Variants in CYP39A1 observed in about 807,000 individuals in gnomAD.
CYP39A1 encodes cytochrome P450 family 39 subfamily A member 1, also known as 24-hydroxycholesterol 7-alpha-hydroxylase.
Under a neutral mutation model 58.1 loss-of-function variants are expected in CYP39A1, and 49 were observed. The observed-to-expected ratio is 0.84, with a 90% CI of 0.67 to 1.07. The LOEUF (loss-of-function observed/expected upper bound fraction) is 1.07. Among genes scored for constraint, CYP39A1 ranks in the 50% least tolerant of loss-of-function variants. The pLI is 0.00. For synonymous variants in CYP39A1, 209 were observed against 187.6 expected (o/e 1.11, Z -0.93); for missense variants, 531 against 539.4 (o/e 0.98, Z 0.16).
chr6:46,652,291 G>A, intron 1 of CYP39A1, 115 bp downstream of exon 1: 1 of 1,004,646 alleles, frequency 1.0e-6, no homozygotes, highest in Non-Finnish European at 1.4e-6. Flanking sequence ...TCCTTTAGTT[G>A]AGGCAAGCAG....
chr6:46,615,723 C>CTCCTCTGGAATAAAAAAAAAAAAGGACA (rs1425895917), intron 7 of CYP39A1, among the ~76,000 whole-genome samples: 1 of 150,130 alleles, frequency 6.7e-6, no homozygotes, highest in African/African-American at 2.5e-5. Flanking sequence ...TGCTCACATT[C>CTCCTCTGGAATAAAAAAAAAAAAGGACA]TCCTCTGGAA....
At chr6:46,574,272 C>T (rs1037021458) in intron 10 of CYP39A1, among the ~76,000 whole-genome samples, 3 of 152,156 alleles carry the variant, frequency 2.0e-5, no homozygotes, top group African/African-American at 7.2e-5. Context: ...TCAATAGAAA[C>T]CCTAGTAGTT....
In CYP39A1 at chr6:46,574,353, C is replaced by T. The variant is rs187751531; in HGVS notation, c.1250+12724G>A. On this transcript the variant is annotated intron_variant, in intron 10 of 11. Coordinates refer to ENST00000275016, the MANE Select transcript of CYP39A1 (RefSeq NM_016593.5). ...TCGTAAAGGAGAGAGGGGGCAGGGACATCATGTGCTGATTGTCTTAGGGAA... is the reference window on the plus strand; with the variant it reads ...TCGTAAAGGAGAGAGGGGGCAGGGATATCATGTGCTGATTGTCTTAGGGAA... 9.9e-5 allele frequency among the ~76,000 whole-genome samples: 15 copies of T among 152,264 alleles called. 1 individual carries two copies. In the East Asian group the frequency reaches 2.5e-3, roughly 25 times the overall value.
chr6:46,584,096 T>G (rs1772317609), intron 10 of CYP39A1, among the ~76,000 whole-genome samples: 1 of 152,162 alleles, frequency 6.6e-6, no homozygotes, highest in African/African-American at 2.4e-5. Flanking sequence ...ATTGTCCAAA[T>G]GAAGTCATTT....
chr6:46,646,198 A>C (rs1049769132), intron 1 of CYP39A1, among the ~76,000 whole-genome samples: 1 of 152,042 alleles, frequency 6.6e-6, no homozygotes, highest in Admixed American at 6.6e-5. Context: ...TTTGTTCCCA[A>C]TCACATGGGG....
chr6:46,608,277 A>G (rs80081925), intron 7 of CYP39A1, among the ~76,000 whole-genome samples: 5 of 152,322 alleles, frequency 3.3e-5, no homozygotes, highest in Non-Finnish European at 7.3e-5. Context: ...TGAGAAAATA[A>G]GGGCAGAAAA....
At chr6:46,589,978 C>T (rs1004088867) in intron 8 of CYP39A1, among the ~76,000 whole-genome samples, 9 of 152,104 alleles carry the variant, frequency 5.9e-5, no homozygotes, top group African/African-American at 2.2e-4. Flanking sequence ...AGAATTACCA[C>T]TAGCAACAGG....
In CYP39A1 at chr6:46,549,807, C is replaced by G. The variant is rs1411524524; in HGVS notation, c.*559G>C. On this transcript the variant is annotated 3_prime_UTR_variant, in exon 12 of 12. Transcript: ENST00000275016. Reference sequence around the variant, plus strand: ...ATGTAAGACACCATTCCTGTCCTCACAGGTCTCAGAAAACTACCATTTTAT... The same window carrying G: ...ATGTAAGACACCATTCCTGTCCTCAGAGGTCTCAGAAAACTACCATTTTAT... 2 of 152,258 alleles carry G rather than the reference C, an allele frequency of 1.3e-5. No individual in the cohort carries two copies. Among genetic ancestry groups the G allele is most frequent in the Non-Finnish European group, 2.9e-5 (2 of 68,038 alleles). The allele number at this position is 152,258 out of a possible 1,614,324, so 9.4% of individuals were successfully genotyped here.
intron 5 of CYP39A1, 36 bp downstream of exon 5, chr6:46,636,353 C>G: frequency 7.0e-7 from 1 of 1,430,568 alleles, no homozygotes; most frequent in Non-Finnish European, 9.7e-7. Flanking sequence ...TTATTACTAT[C>G]TTTACATTAG....
At chr6:46,581,473 A>C (rs1582328254) in intron 10 of CYP39A1, among the ~76,000 whole-genome samples, 1 of 152,270 alleles carries the variant, frequency 6.6e-6, no homozygotes, top group East Asian at 1.9e-4. Flanking sequence ...ACACCATGAA[A>C]TCCTGTGCAG....
At chr6:46,558,510 C>T (rs1370391427) in intron 10 of CYP39A1, among the ~76,000 whole-genome samples, 1 of 152,088 alleles carries the variant, frequency 6.6e-6, no homozygotes, top group Non-Finnish European at 1.5e-5. Flanking sequence ...TCACCTCCTA[C>T]CAGGCCCCTC....
At chr6:46,640,964 T>C (rs1776296772) in intron 2 of CYP39A1, among the ~76,000 whole-genome samples, 1 of 152,130 alleles carries the variant, frequency 6.6e-6, no homozygotes, top group Non-Finnish European at 1.5e-5. Context: ...ACCAGTATAG[T>C]ATGTATACTA....
At chr6:46,570,596 T>A (rs1332360654) in intron 10 of CYP39A1, among the ~76,000 whole-genome samples, 1 of 152,156 alleles carries the variant, frequency 6.6e-6, no homozygotes, top group Non-Finnish European at 1.5e-5. Context: ...AGAGGCTTAT[T>A]TGGCTCATGG....
intron 7 of CYP39A1, among the ~76,000 whole-genome samples, chr6:46,596,958 G>A (rs1325423586): frequency 6.6e-6 from 1 of 152,098 alleles, no homozygotes; most frequent in East Asian, 1.9e-4. Flanking sequence ...TTAAGTCAAC[G>A]CATTTCTCTT....
chr6:46,649,085 A>C (rs1374403658), intron 1 of CYP39A1, among the ~76,000 whole-genome samples: 1 of 152,230 alleles, frequency 6.6e-6, no homozygotes, highest in Non-Finnish European at 1.5e-5. Flanking sequence ...GAATTTCGTA[A>C]CTAAAGATTG....
In CYP39A1 at chr6:46,652,583, G is replaced by A. The variant is rs755990519; in HGVS notation, c.-1C>T. ...TCACTGTTGGGGAAATTAGTTCCAT[G>A]TTTTTGTCCAGCACCTTCCAGAAGC... On this transcript the variant is annotated 5_prime_UTR_variant, in exon 1 of 12. Coordinates refer to ENST00000275016, the MANE Select transcript of CYP39A1 (RefSeq NM_016593.5). 2.5e-6 allele frequency: 4 copies of A among 1,598,988 alleles called. No individual in the cohort carries two copies. Among genetic ancestry groups the A allele is most frequent in the Non-Finnish European group, 3.4e-6 (4 of 1,173,346 alleles).
intron 2 of CYP39A1, 120 bp from the exon 3 acceptor site, chr6:46,639,788 G>T: frequency 1.4e-6 from 1 of 723,354 alleles, no homozygotes; most frequent in East Asian, 2.7e-5. Flanking sequence ...AGTACATAAG[G>T]TCACCTCCCA....
At chr6:46,652,341 T>C (rs1762749193) in intron 1 of CYP39A1, 65 bp downstream of exon 1, 2 of 1,482,152 alleles carry the variant, frequency 1.3e-6, no homozygotes, top group Non-Finnish European at 1.8e-6. Context: ...TAAGAGTCAA[T>C]GAAAGAAAGT....
intron 10 of CYP39A1, among the ~76,000 whole-genome samples, chr6:46,557,411 C>A (rs1770714846): frequency 6.6e-6 from 1 of 151,732 alleles, no homozygotes; most frequent in Non-Finnish European, 1.5e-5. Flanking sequence ...AAGGCTGAGG[C>A]AGGTAGATGA....
Sources: gnomAD v4.1 joint callset for allele counts (sites outside exome capture counted in the v4.1 genomes callset) on GRCh38, gnomAD v4.1.1 for gene constraint, MANE v1.5 for transcripts, NCBI Gene and HGNC (gene_info 2026-07-23, HGNC 2026-07-21) for gene names.